The following USP28 variants were observed in gnomAD, a reference collection of about 807,000 sequenced individuals.
USP28 encodes the protein ubiquitin specific peptidase 28.
USP28 carries 113 observed loss-of-function variants against 145.0 expected under a neutral mutation model. The observed-to-expected ratio is 0.78, with a 90% confidence interval of 0.67 to 0.91. USP28 has a LOEUF of 0.91. Ranked by LOEUF, USP28 falls within the 40% of genes least tolerant of loss-of-function variation. The pLI, the probability that USP28 is intolerant of heterozygous loss-of-function variation, is 0.00. For synonymous variants in USP28, 447 were observed against 450.9 expected, an observed-to-expected ratio of 0.99 and a Z score of 0.11; for missense variants, 1,201 against 1,289.6, an observed-to-expected ratio of 0.93 and a Z score of 1.05.
intron 15 of USP28, among the ~76,000 whole-genome samples, chr11:113,813,313 T>C (rs75249816): frequency 0.1 from 15,709 of 152,168 alleles, 866 homozygotes; most frequent in Middle Eastern, 0.18. Flanking sequence ...CCCATTCCAG[T>C]CATTCATACA....
rs1346014832 is a variant in USP28 at position 113,874,951 on chromosome 11, AGTGGT to A, written c.57+489_57+493del. ...TTAAAGCCGGGTTGGGAGGGAGGGA[AGTGGT>A]GGTAACTGGGACCCCTGGTCTTATA... On this transcript the variant is annotated intron_variant, in intron 1 of 24. Coordinates refer to ENST00000003302, the Ensembl canonical transcript of USP28. The A allele has an allele frequency of 6.1e-6, 6 of 983,664 alleles. No homozygotes were observed. In the Admixed American group the frequency reaches 2.9e-4, roughly 47 times the overall value. 60.9% of individuals were successfully genotyped at this position (983,664 alleles called of 1,614,324 possible). A position where few individuals can be genotyped will look rare whatever the true frequency, so the allele number is the denominator to read the frequency against.
At chr11:113,857,587 T>C (rs772760885) in intron 1 of USP28, among the ~76,000 whole-genome samples, 1 of 152,226 alleles carries the variant, frequency 6.6e-6, no homozygotes. Context: ...ACCAGGTTCA[T>C]ACAAGTGCAG....
chr11:113,872,413 G>C (rs1279719935), intron 1 of USP28, among the ~76,000 whole-genome samples: 1 of 152,038 alleles, frequency 6.6e-6, no homozygotes, highest in African/African-American at 2.4e-5. Flanking sequence ...CATGAACCCG[G>C]GGGGCGGAGC....
At chr11:113,848,551 C>T (rs1049080503) in intron 3 of USP28, among the ~76,000 whole-genome samples, 1 of 152,158 alleles carries the variant, frequency 6.6e-6, no homozygotes, top group Admixed American at 6.5e-5. Context: ...ATTTCAAAAC[C>T]TGTTGATAAA....
At chr11:113,856,772 G>A (rs995347196) in intron 1 of USP28, among the ~76,000 whole-genome samples, 2 of 152,088 alleles carry the variant, frequency 1.3e-5, no homozygotes, top group African/African-American at 2.4e-5. Context: ...GAGTGCAATG[G>A]AGCAATCTCG....
intron 2 of USP28, 44 bp downstream of exon 2, chr11:113,854,214 A>C: frequency 1.3e-6 from 2 of 1,533,998 alleles, no homozygotes; most frequent in Non-Finnish European, 1.8e-6. Context: ...TAATATAGAC[A>C]GCTGCTTTAA....
intron 8 of USP28, 166 bp from the exon 9 acceptor site, chr11:113,831,109 A>AG (rs1943935839): frequency 3.2e-6 from 2 of 634,306 alleles, no homozygotes; most frequent in South Asian, 4.0e-5. Flanking sequence ...TATTTATTGA[A>AG]CACCTTCTTT....
intron 16 of USP28, 46 bp from the exon 17 acceptor site, chr11:113,809,300 A>C: frequency 2.6e-6 from 4 of 1,550,786 alleles, no homozygotes; most frequent in Non-Finnish European, 3.5e-6. Context: ...AGGAACGAAA[A>C]CATCCTTTTT....
chr11:113,855,842 T>C (rs1190654611), intron 1 of USP28, among the ~76,000 whole-genome samples: 3 of 152,062 alleles, frequency 2.0e-5, no homozygotes, highest in Admixed American at 6.6e-5. Context: ...ACCCAGGAGG[T>C]GGAGGTTGCA....
At chr11:113,875,349 C>A in intron 1 of USP28, 96 bp downstream of exon 1, 1 of 1,048,358 alleles carries the variant, frequency 9.5e-7, no homozygotes, top group Non-Finnish European at 1.2e-6. Flanking sequence ...CCGGGGCGCC[C>A]TCCGCAGCCC....
chr11:113,829,616 C>A, intron 9 of USP28: 1 of 387,586 alleles, frequency 2.6e-6, no homozygotes. Context: ...TCACTTGAGG[C>A]CAGGAGTTTG....
intron 7 of USP28, among the ~76,000 whole-genome samples, chr11:113,832,669 AT>A (rs2135980785): frequency 6.6e-6 from 1 of 152,336 alleles, no homozygotes; most frequent in South Asian, 2.1e-4. Context: ...GAAAACTTCA[AT>A]GTTTTGAGAA....
chr11:113,846,566 T>G (rs1176630677), intron 3 of USP28, among the ~76,000 whole-genome samples: 1 of 152,192 alleles, frequency 6.6e-6, no homozygotes, highest in Non-Finnish European at 1.5e-5. Context: ...TCACAACAAT[T>G]TGACTATTCT....
chr11:113,856,711 T>G (rs1161344020), intron 1 of USP28, among the ~76,000 whole-genome samples: 2 of 152,122 alleles, frequency 1.3e-5, no homozygotes, highest in African/African-American at 4.8e-5. Flanking sequence ...TTATTTATTT[T>G]TATTTATTTA....
intron 1 of USP28, among the ~76,000 whole-genome samples, chr11:113,869,543 A>C (rs116280264): frequency 0.014 from 2,118 of 152,252 alleles, 55 homozygotes; most frequent in African/African-American, 0.048. Flanking sequence ...GTGAGCCTTG[A>C]CGGTGTCACC....
chr11:113,870,269 G>A (rs1009426888), intron 1 of USP28, among the ~76,000 whole-genome samples: 2 of 152,222 alleles, frequency 1.3e-5, no homozygotes, highest in Admixed American at 6.5e-5. Flanking sequence ...GCTCATGCCT[G>A]TAATCCCAAC....
intron 21 of USP28, among the ~76,000 whole-genome samples, chr11:113,804,316 A>C (rs143003227): frequency 1.3e-5 from 2 of 152,354 alleles, no homozygotes; most frequent in African/African-American, 4.8e-5. Flanking sequence ...ACATTGTTTT[A>C]CATGGGATGC....
intron 3 of USP28, among the ~76,000 whole-genome samples, chr11:113,847,164 A>G (rs536112541): frequency 1.5e-3 from 227 of 152,262 alleles, no homozygotes; most frequent in African/African-American, 5.3e-3. Context: ...TTCATAATAG[A>G]TAAATTAACC....
At chr11:113,807,394 T>A (rs80166492) in intron 18 of USP28, among the ~76,000 whole-genome samples, 4 of 141,332 alleles carry the variant, frequency 2.8e-5, no homozygotes, top group East Asian at 2.1e-4. Context: ...TTTTTTTTTT[T>A]AAATACCCCA....
Sources: gnomAD v4.1 joint callset for allele counts (sites outside exome capture counted in the v4.1 genomes callset) on GRCh38, gnomAD v4.1.1 for gene constraint, MANE v1.5 for transcripts, NCBI Gene and HGNC (gene_info 2026-07-23, HGNC 2026-07-21) for gene names.